The following OTOF variants were observed in gnomAD, a reference collection of about 807,000 sequenced individuals.
OTOF encodes the protein fer-1-like family member 2.
Under a neutral mutation model 236.8 loss-of-function variants are expected in OTOF, and 218 were observed. The observed-to-expected ratio is 0.92, with a 90% CI of 0.82 to 1.03. The LOEUF (loss-of-function observed/expected upper bound fraction) is 1.03, where lower values mean the gene tolerates loss of function less well. Among genes scored for constraint, OTOF ranks in the 50% least tolerant of loss-of-function variants. The pLI is 0.00. For missense variants in OTOF, 2,590 were observed against 2,694.4 expected, an observed-to-expected ratio of 0.96 and a Z score of 0.86; for synonymous variants, 1,041 against 1,072.5, an observed-to-expected ratio of 0.97 and a Z score of 0.57.
Position 26,476,271 on chromosome 2 carries a change from G to T in OTOF, c.2723C>A (p.Ala908Asp). Residue 908 changes from alanine (A) to aspartate (D), a missense_variant, in exon 23 of 47, where the codon GCC (alanine) becomes GAC (aspartate). Around this residue, in one of 2 missense-constraint regions of OTOF, gnomAD observed 1,379 missense variants for 1,341.6 expected, o/e 1.03. Coordinates refer to ENST00000272371, the MANE Select transcript of OTOF (RefSeq NM_194248.3). ...GFGSAGWTVQAKVELYLWLGL... is the reference protein window; with the variant it reads ...GFGSAGWTVQDKVELYLWLGL... ...CAGCCACAGGTACAGCTCCACCTTG[G>T]CCTGCACTGTCCAGCCTGCCGAGCC... The T allele has an allele frequency of 1.2e-6, 2 of 1,605,428 alleles. No homozygotes were observed. Among genetic ancestry groups the T allele is most frequent in the East Asian group, 2.2e-5 (1 of 44,852 alleles).
intron 1 of OTOF, among the ~76,000 whole-genome samples, chr2:26,544,802 C>T (rs1421788156): frequency 1.3e-5 from 2 of 152,062 alleles, no homozygotes; most frequent in African/African-American, 2.4e-5. Context: ...CTTTGGGAGG[C>T]TGAGGCAGGC....
chr2:26,536,297 T>G (rs545597448), intron 2 of OTOF, among the ~76,000 whole-genome samples: 152 of 152,180 alleles, frequency 1.0e-3, no homozygotes, highest in African/African-American at 3.5e-3. Context: ...ACAAAGATGG[T>G]GGCAGGTTTA....
chr2:26,506,922 G>A (rs563733828), intron 5 of OTOF, among the ~76,000 whole-genome samples: 76 of 152,218 alleles, frequency 5.0e-4, no homozygotes, highest in African/African-American at 1.7e-3. Flanking sequence ...ACTAGGAGGC[G>A]GAGGTTGCAG....
At chr2:26,483,691 T>C in intron 12 of OTOF, 43 bp from the exon 13 acceptor site, 1 of 1,575,712 alleles carries the variant, frequency 6.3e-7, no homozygotes, top group South Asian at 1.1e-5. Context: ...CAGGTCCAGG[T>C]CCCCAACCCC....
intron 18 of OTOF, among the ~76,000 whole-genome samples, chr2:26,478,636 T>G (rs1458162806): frequency 2.0e-5 from 3 of 152,186 alleles, no homozygotes; most frequent in African/African-American, 7.2e-5. Flanking sequence ...CTTCAGACAC[T>G]GCTCGCTTCT....
In OTOF at chr2:26,477,790, G is replaced by A. The variant is rs778410242; in HGVS notation, c.2215-41C>T. Reference sequence around the variant, plus strand: ...GTGGGTGATGCTGGGCCACAGCCCCGCCTCCCCAGCCTCCCCAAATGCCTC... The same window carrying A: ...GTGGGTGATGCTGGGCCACAGCCCCACCTCCCCAGCCTCCCCAAATGCCTC... On this transcript the variant is annotated intron_variant, in intron 18 of 46. Transcript: ENST00000272371. This position sits in a 1 kb window ranked among gnomAD's most constrained non-coding sequence, Gnocchi z 4.7. 4.6e-5 allele frequency: 74 copies of A among 1,604,778 alleles called. No homozygotes were observed. Among genetic ancestry groups the A allele is most frequent in the Non-Finnish European group, 5.4e-5 (64 of 1,176,136 alleles).
chr2:26,470,161 C>T lies in OTOF; in HGVS notation c.4023+432G>A, dbSNP rs1055766912. Among the ~76,000 whole-genome samples the T allele has an allele frequency of 2.6e-5, 4 of 152,166 alleles. No homozygotes were observed. Among genetic ancestry groups the T allele is most frequent in the African/African-American group, 9.7e-5 (4 of 41,438 alleles). On this transcript the variant is annotated intron_variant, in intron 32 of 46. Transcript: ENST00000272371. The surrounding 1 kb of genome is among the most constrained non-coding windows in gnomAD (Gnocchi z 4.3). ...CTGAGAACATGTTTCTCCTTTTCCA[C>T]AAAGGTCACCTCCTCTGAGACGCCT...
chr2:26,502,032 G>A (rs1419352595), intron 7 of OTOF, among the ~76,000 whole-genome samples: 1 of 152,152 alleles, frequency 6.6e-6, no homozygotes, highest in Non-Finnish European at 1.5e-5. Context: ...GGGTCAATAG[G>A]TTCAAATATG....
At chr2:26,508,268 G>A (rs1045117298) in intron 5 of OTOF, among the ~76,000 whole-genome samples, 22 of 152,134 alleles carry the variant, frequency 1.4e-4, no homozygotes, top group Admixed American at 6.6e-4. Flanking sequence ...TCAAAACCTC[G>A]GAGCATGTTA....
At chr2:26,463,626 G>T in intron 40 of OTOF, 55 bp from the exon 41 acceptor site, 1 of 1,397,064 alleles carries the variant, frequency 7.2e-7, no homozygotes, top group Non-Finnish European at 1.0e-6. Flanking sequence ...TGCCCAGGAA[G>T]ATCAGCTCTC....
At chr2:26,521,451 C>CT (rs1414596411) in intron 3 of OTOF, among the ~76,000 whole-genome samples, 2 of 152,208 alleles carry the variant, frequency 1.3e-5, no homozygotes, top group African/African-American at 2.4e-5. Context: ...CTAGGCTTAA[C>CT]CTGCCTGAAT....
At chr2:26,543,217 T>C (rs1667249075) in intron 1 of OTOF, among the ~76,000 whole-genome samples, 1 of 152,180 alleles carries the variant, frequency 6.6e-6, no homozygotes, top group South Asian at 2.1e-4. Context: ...GATACTCCCA[T>C]GGAGCACCAG....
chr2:26,465,640 T>C, intron 38 of OTOF, 32 bp downstream of exon 38: 1 of 1,606,098 alleles, frequency 6.2e-7, no homozygotes, highest in Non-Finnish European at 8.5e-7. Context: ...GCAGGCACAC[T>C]GCCCCCGCCC....
chr2:26,477,183 G>A lies in OTOF; in HGVS notation c.2512C>T (p.Leu838=), dbSNP rs146139327. 4.2e-4 allele frequency: 677 copies of A among 1,610,588 alleles called. 7 individuals are homozygous for A. The South Asian group carries it at 5.1e-3, about 12-fold the overall frequency. The change falls in exon 21 of 47, where the codon CTG becomes TTG. Residue 838 remains leucine, a synonymous_variant. Transcript: ENST00000272371. The surrounding 1 kb of genome is among the most constrained non-coding windows in gnomAD (Gnocchi z 4.7). Reference sequence around the variant, plus strand: ...CCCTTGGGCCGCACCTCGTCCGCCAGGAAGCGCAGCTTCTGCAGGAAGTTC... The same window carrying A: ...CCCTTGGGCCGCACCTCGTCCGCCAAGAAGCGCAGCTTCTGCAGGAAGTTC... The part of the protein sequence containing the change: ...CQNFLQKLRF[L]ADEPQHSIPD...
chr2:26,463,834 G>A, intron 40 of OTOF, 130 bp downstream of exon 40: 1 of 1,268,172 alleles, frequency 7.9e-7, no homozygotes, highest in Non-Finnish European at 1.1e-6. Context: ...GCCTTGGTGG[G>A]AAGGTGCCTG....
chr2:26,492,772 C>T (rs1475294123), intron 9 of OTOF, among the ~76,000 whole-genome samples: 1 of 152,208 alleles, frequency 6.6e-6, no homozygotes, highest in Non-Finnish European at 1.5e-5. Flanking sequence ...AGGACATTAA[C>T]ACTGCAGAGA....
At chr2:26,550,750 C>G (rs76414812) in intron 1 of OTOF, among the ~76,000 whole-genome samples, 4 of 152,222 alleles carry the variant, frequency 2.6e-5, no homozygotes, top group Non-Finnish European at 4.4e-5. Flanking sequence ...AGCCCTCCGC[C>G]TGCCCCGGGC....
At position 26,464,855 on chromosome 2, in the gene OTOF, C is replaced by T. The variant is rs1244500498; in HGVS notation, c.4960+14G>A. On this transcript the variant is annotated intron_variant, in intron 39 of 46. Transcript: ENST00000272371. ...TGGAGAGGGGGCAGGCGGCTGCATC[C>T]AGTGCCCCATTACCGTTCTCGTCCT... 10 of 1,600,982 alleles carry T rather than the reference C, an allele frequency of 6.2e-6. No homozygotes were observed. In the Middle Eastern group the frequency reaches 8.3e-4, roughly 133 times the overall value.
At position 26,480,768 on chromosome 2, in the gene OTOF, C is replaced by G; in HGVS notation, c.1803+18G>C. The G allele has an allele frequency of 6.2e-7, 1 of 1,602,998 alleles. No homozygotes were observed. Among genetic ancestry groups the G allele is most frequent in the Non-Finnish European group, 8.5e-7 (1 of 1,173,216 alleles). On this transcript the variant is annotated intron_variant, in intron 15 of 46. Coordinates refer to ENST00000272371, the MANE Select transcript of OTOF (RefSeq NM_194248.3). ...GAGCTGGAGGCCCTGGGGGACAGCACAGTGCCTGGGGTCTCACCTCCGAGA... is the reference window on the plus strand; with the variant it reads ...GAGCTGGAGGCCCTGGGGGACAGCAGAGTGCCTGGGGTCTCACCTCCGAGA...
Sources: gnomAD v4.1 joint callset for allele counts (sites outside exome capture counted in the v4.1 genomes callset) on GRCh38, gnomAD v4.1.1 for gene constraint, gnomAD v4.1.1 regional missense constraint, Gnocchi (gnomAD v3.1) non-coding constraint, MANE v1.5 for transcripts, NCBI Gene and HGNC (gene_info 2026-07-23, HGNC 2026-07-21) for gene names.